The following SMURF2 variants were observed in gnomAD, a reference collection of about 807,000 sequenced individuals.
The protein encoded by SMURF2 is SMAD specific E3 ubiquitin protein ligase 2.
In SMURF2, 48 loss-of-function variants were observed where a neutral mutation model predicts 109.6. The ratio of observed to expected loss-of-function variants is 0.44; its 90% CI spans 0.35 to 0.56. The LOEUF (loss-of-function observed/expected upper bound fraction) is 0.56. SMURF2 is among the 20% of genes least tolerant of loss of function. SMURF2 has a pLI of 0.01. For missense variants in SMURF2, 575 were observed against 909.0 expected (o/e 0.63, Z 4.72); for synonymous variants, 288 against 317.1 (o/e 0.91, Z 0.97).
intron 3 of SMURF2, among the ~76,000 whole-genome samples, chr17:64,594,925 G>C (rs1451771727): frequency 1.3e-5 from 2 of 152,114 alleles, no homozygotes; most frequent in African/African-American, 4.8e-5. Flanking sequence ...GGGAGGCGGA[G>C]GTTGTGGTGA....
intron 11 of SMURF2, among the ~76,000 whole-genome samples, chr17:64,562,285 C>CAAA (rs782461489): frequency 2.5e-3 from 47 of 18,978 alleles, no homozygotes; most frequent in Middle Eastern, 0.028. Context: ...GACTCCGTCT[C>CAAA]AAAAAAAAAA....
At chr17:64,593,347 T>C in intron 4 of SMURF2, 93 bp downstream of exon 4, 1 of 1,074,694 alleles carries the variant, frequency 9.3e-7, no homozygotes, top group Non-Finnish European at 1.2e-6. Context: ...TGAGGATACA[T>C]ATATAGTGCA....
chr17:64,555,988 GATAA>G lies in SMURF2; in HGVS notation c.1438_1441del (p.Leu480ProfsTer9). 6.2e-7 allele frequency: 1 copy of G among 1,607,980 alleles called. No individual in the cohort carries two copies. Among genetic ancestry groups the G allele is most frequent in the Non-Finnish European group, 8.5e-7 (1 of 1,176,432 alleles). Reference sequence around the variant, plus strand: ...TATTCGTCCAACAAAGTGGAAATAGGATAAATGTTCCTGAAATTGAAAACAGTAT... The same window carrying G: ...TATTCGTCCAACAAAGTGGAAATAGGATGTTCCTGAAATTGAAAACAGTAT... On this transcript the variant is annotated frameshift_variant, in exon 14 of 19. Coordinates refer to ENST00000262435, the MANE Select transcript of SMURF2 (RefSeq NM_022739.4). LOFTEE classifies it high-confidence loss of function.
chr17:64,662,015 T>C lies in SMURF2; in HGVS notation c.-135A>G. 1 of 1,111,938 alleles carries C rather than the reference T, an allele frequency of 9.0e-7. No homozygotes were observed. Among genetic ancestry groups the C allele is most frequent in the Non-Finnish European group, 1.1e-6 (1 of 911,818 alleles). The allele number at this position is 1,111,938 out of a possible 1,614,324, so 68.9% of individuals were successfully genotyped here. A position where few individuals can be genotyped will look rare whatever the true frequency, so the allele number is the denominator to read the frequency against. On this transcript the variant is annotated 5_prime_UTR_variant, in exon 1 of 19. Transcript: ENST00000262435. ...GCCGCCACGGCCGGAGGGTCCCGGA[T>C]GTGCCGAGAGTCGTCGCCATGAGCC...
chr17:64,593,726 G>GAA (rs782340132), intron 3 of SMURF2, among the ~76,000 whole-genome samples, 153 bp from the exon 4 acceptor site: 4 of 152,094 alleles, frequency 2.6e-5, no homozygotes, highest in Non-Finnish European at 5.9e-5. Flanking sequence ...CCACAGGATT[G>GAA]AATTTAAATT....
At chr17:64,571,663 G>T in intron 10 of SMURF2, 135 bp downstream of exon 10, 1 of 875,480 alleles carries the variant, frequency 1.1e-6, no homozygotes, top group Non-Finnish European at 1.7e-6. Flanking sequence ...AAGTGATCCT[G>T]CTGCCACGGC....
intron 1 of SMURF2, among the ~76,000 whole-genome samples, chr17:64,653,531 G>A (rs1368521556): frequency 1.3e-5 from 2 of 151,626 alleles, no homozygotes; most frequent in African/African-American, 4.9e-5. Context: ...GCACAGCACC[G>A]CAGCCTTAAC....
intron 14 of SMURF2, 25 bp from the exon 15 acceptor site, chr17:64,555,018 T>G (rs782439202): frequency 6.2e-7 from 1 of 1,603,984 alleles, no homozygotes. Context: ...GGAAAAGATA[T>G]GTAACTGGGA....
At position 64,561,596 on chromosome 17, in the gene SMURF2, T is replaced by C; in HGVS notation, c.1220A>G (p.Tyr407Cys). The C allele has an allele frequency of 6.2e-7, 1 of 1,610,894 alleles. No individual in the cohort carries two copies. The highest frequency in any genetic ancestry group is 8.5e-7 in the Non-Finnish European group (1 of 1,179,060). ...TGGTCTCATTTTCATGACCTGTCGA[T>C]ATGATTCCTGAAAAAAATAATTTTT... The part of the protein sequence containing the change: ...VSREEIFEES[Y>C]RQVMKMRPKD... The change falls in exon 12 of 19, where the codon TAT (tyrosine) becomes TGT (cysteine). Residue 407 changes from tyrosine (Y) to cysteine (C), a missense_variant. This residue lies in a region of SMURF2 where 361 missense variants were observed against 612.1 expected (regional missense o/e 0.59). Transcript: ENST00000262435.
rs1555686527 is a variant in SMURF2 at position 64,580,938 on chromosome 17, T to C, written c.623A>G (p.Glu208Gly). The C allele has an allele frequency of 6.2e-7, 1 of 1,614,192 alleles. No individual in the cohort carries two copies. The highest frequency in any genetic ancestry group is 8.5e-7 in the Non-Finnish European group (1 of 1,180,024). Residue 208 changes from glutamate (E) to glycine (G), a missense_variant, in exon 8 of 19, where the codon GAG becomes GGG. Physicochemically the swap from Glu to Gly is moderately conservative, Grantham distance 98. This residue lies in a region of SMURF2 where 151 missense variants were observed against 178.4 expected (regional missense o/e 0.85). Transcript: ENST00000262435. The stretch of plus-strand genomic sequence containing the variant: ...ATTTGTTCCACTAATTGGAGTGTTC[T>C]CATCAACAAAGCAGCTAAGAGGTCT... ...PGRPLSCFVD[E>G]NTPISGTNGA... is the part of the protein sequence containing the mutation.
chr17:64,616,918 A>G (rs1970131047), intron 1 of SMURF2, among the ~76,000 whole-genome samples: 2 of 151,464 alleles, frequency 1.3e-5, no homozygotes, highest in Non-Finnish European at 2.9e-5. Flanking sequence ...AAATATACAA[A>G]AAAAGAAAAA....
chr17:64,585,468 T>C (rs782415518), intron 6 of SMURF2, among the ~76,000 whole-genome samples: 1 of 152,210 alleles, frequency 6.6e-6, no homozygotes, highest in Non-Finnish European at 1.5e-5. Context: ...TATGCTATTA[T>C]CACTCATACT....
intron 3 of SMURF2, among the ~76,000 whole-genome samples, chr17:64,595,333 C>T (rs1162869094): frequency 6.6e-6 from 1 of 152,132 alleles, no homozygotes. Flanking sequence ...AGAAATGAAT[C>T]CAAAATATTA....
chr17:64,660,672 C>T (rs1444376501), intron 1 of SMURF2: 3 of 152,184 alleles, frequency 2.0e-5, no homozygotes, highest in African/African-American at 4.8e-5. Flanking sequence ...TGTGGGCAAA[C>T]ATAATTACAG....
At chr17:64,608,545 A>AT (rs1486164181) in intron 1 of SMURF2, among the ~76,000 whole-genome samples, 11 of 152,226 alleles carry the variant, frequency 7.2e-5, no homozygotes, top group Admixed American at 2.0e-4. Flanking sequence ...CTCAGGATCA[A>AT]TACACATGTA....
At chr17:64,658,652 T>G (rs1246293882) in intron 1 of SMURF2, among the ~76,000 whole-genome samples, 1 of 152,216 alleles carries the variant, frequency 6.6e-6, no homozygotes, top group Non-Finnish European at 1.5e-5. Context: ...TGCTTCTCCA[T>G]ACCTAAGAAT....
chr17:64,649,490 G>A (rs994147887), intron 1 of SMURF2, among the ~76,000 whole-genome samples: 7 of 151,992 alleles, frequency 4.6e-5, no homozygotes, highest in South Asian at 2.1e-4. Flanking sequence ...ATAGTTAATC[G>A]GTTAAATGGC....
intron 1 of SMURF2, among the ~76,000 whole-genome samples, chr17:64,645,931 TA>T (rs1245064498): frequency 6.6e-6 from 1 of 152,162 alleles, no homozygotes; most frequent in African/African-American, 2.4e-5. Context: ...CCTATTCACA[TA>T]AATAAGTAGG....
intron 9 of SMURF2, among the ~76,000 whole-genome samples, chr17:64,573,273 AGGG>A (rs151102699): frequency 8.8e-5 from 5 of 56,994 alleles, no homozygotes; most frequent in African/African-American, 4.2e-4. Context: ...GAGGAGGAGG[AGGG>A]GGAGGAGGAG....
Sources: gnomAD v4.1 joint callset for allele counts (sites outside exome capture counted in the v4.1 genomes callset) on GRCh38, gnomAD v4.1.1 for gene constraint, gnomAD v4.1.1 regional missense constraint, MANE v1.5 for transcripts, NCBI Gene and HGNC (gene_info 2026-07-23, HGNC 2026-07-21) for gene names.